TIAM1: variants seen among roughly 807,000 people sequenced by gnomAD.
TIAM1 encodes the protein TIAM Rac1 associated GEF 1, also known as rho guanine nucleotide exchange factor TIAM1.
In TIAM1, 65 loss-of-function variants were observed where a neutral mutation model predicts 163.5. The ratio of observed to expected loss-of-function variants is 0.40; its 90% CI spans 0.33 to 0.49. The LOEUF is 0.49. Among genes scored for constraint, TIAM1 ranks in the 20% least tolerant of loss-of-function variants. TIAM1 has a pLI of 0.77. For synonymous variants in TIAM1, 833 were observed against 810.1 expected (o/e 1.03, Z -0.48); for missense variants, 1,789 against 2,044.7 (o/e 0.87, Z 2.41).
intron 2 of TIAM1, among the ~76,000 whole-genome samples, chr21:31,358,155 G>A (rs907925428): frequency 6.6e-6 from 1 of 152,152 alleles, no homozygotes; most frequent in East Asian, 1.9e-4. Flanking sequence ...GGCATCCCAG[G>A]GTAGGCCATA....
intron 16 of TIAM1, among the ~76,000 whole-genome samples, chr21:31,162,254 G>A (rs1172462560): frequency 6.6e-6 from 1 of 152,138 alleles, no homozygotes; most frequent in East Asian, 1.9e-4. Flanking sequence ...CCTCAAGAGT[G>A]TTGTGAGGCT....
chr21:31,365,391 T>C (rs74314356), intron 2 of TIAM1, among the ~76,000 whole-genome samples: 1,436 of 95,304 alleles, frequency 0.015, 21 homozygotes, highest in African/African-American at 0.049. Flanking sequence ...TTCTTTCTTT[T>C]TTTTTTTTTT....
intron 1 of TIAM1, among the ~76,000 whole-genome samples, chr21:31,471,538 G>A (rs933054380): frequency 3.9e-5 from 6 of 152,126 alleles, no homozygotes; most frequent in Non-Finnish European, 2.9e-5. Context: ...GGAGGTTGAT[G>A]GAATCAACTT....
At position 31,251,878 on chromosome 21, in the gene TIAM1, G is replaced by A; in HGVS notation, c.1275C>T (p.Ile425=). Residue 425 remains isoleucine, a synonymous_variant, in exon 5 of 28, where the codon ATC becomes ATT. Coordinates refer to ENST00000541036, the MANE Select transcript of TIAM1 (RefSeq NM_001353694.2). Reference sequence around the variant, plus strand: ...CCGTGCCCTGTGCGGCGGTCAGCAGGATGTCCGACTGGCCCGGAGAGCTCA... The same window carrying A: ...CCGTGCCCTGTGCGGCGGTCAGCAGAATGTCCGACTGGCCCGGAGAGCTCA... ...GTLSSPGQSD[I]LLTAAQGTVR... is the part of the protein sequence containing the mutation. The A allele has an allele frequency of 1.9e-6, 3 of 1,613,892 alleles. No homozygotes were observed. The highest frequency in any genetic ancestry group is 2.5e-6 in the Non-Finnish European group (3 of 1,179,936).
At chr21:31,359,695 A>G (rs961069816) in intron 2 of TIAM1, among the ~76,000 whole-genome samples, 1 of 151,928 alleles carries the variant, frequency 6.6e-6, no homozygotes, top group Non-Finnish European at 1.5e-5. Context: ...AGGCTGAGGC[A>G]GGAGAATTGC....
chr21:31,331,440 C>T (rs2075675951), intron 2 of TIAM1, among the ~76,000 whole-genome samples: 2 of 152,180 alleles, frequency 1.3e-5, no homozygotes. Context: ...AGGAGGATGT[C>T]CCAGAACCCA....
chr21:31,451,659 G>A (rs1377828119), intron 2 of TIAM1, among the ~76,000 whole-genome samples: 1 of 121,598 alleles, frequency 8.2e-6, no homozygotes, highest in Non-Finnish European at 1.8e-5. Context: ...TGTTCATAGA[G>A]AAAAGGATGG....
intron 4 of TIAM1, among the ~76,000 whole-genome samples, chr21:31,262,322 G>A (rs552815214): frequency 1.3e-5 from 2 of 152,282 alleles, no homozygotes; most frequent in South Asian, 4.1e-4. Context: ...TCTGACACTA[G>A]GCAGCCCCCT....
At chr21:31,418,338 T>A (rs1263428885) in intron 2 of TIAM1, among the ~76,000 whole-genome samples, 1 of 92,058 alleles carries the variant, frequency 1.1e-5, no homozygotes, top group Admixed American at 1.6e-4. Flanking sequence ...CGAGACTCTG[T>A]CTCAAAAAAA....
intron 2 of TIAM1, among the ~76,000 whole-genome samples, chr21:31,387,884 AG>A (rs2076903154): frequency 6.6e-6 from 1 of 152,038 alleles, no homozygotes; most frequent in Non-Finnish European, 1.5e-5. Flanking sequence ...GGCCCTGATG[AG>A]GAGGCCTAGA....
intron 15 of TIAM1, among the ~76,000 whole-genome samples, chr21:31,168,828 G>C (rs1190625699): frequency 1.3e-5 from 2 of 152,138 alleles, no homozygotes; most frequent in Non-Finnish European, 2.9e-5. Context: ...CAGAGATAGA[G>C]CTTGGTCAAA....
At chr21:31,439,260 G>A (rs73195595) in intron 2 of TIAM1, among the ~76,000 whole-genome samples, 1 of 152,260 alleles carries the variant, frequency 6.6e-6, no homozygotes, top group Non-Finnish European at 1.5e-5. Flanking sequence ...AAGAATAACA[G>A]AAACCTTAAA....
At chr21:31,312,068 C>T (rs899893112) in intron 2 of TIAM1, among the ~76,000 whole-genome samples, 5 of 152,186 alleles carry the variant, frequency 3.3e-5, no homozygotes, top group African/African-American at 1.2e-4. Flanking sequence ...GGCTCTTGGG[C>T]CTTCGGCCAC....
intron 11 of TIAM1, among the ~76,000 whole-genome samples, chr21:31,209,841 T>C (rs180858109): frequency 1.6e-3 from 245 of 152,258 alleles, no homozygotes; most frequent in African/African-American, 5.4e-3. Flanking sequence ...CTTAGAAGAG[T>C]TCCTCTCTTC....
At chr21:31,222,700 T>G (rs2087652741) in intron 8 of TIAM1, among the ~76,000 whole-genome samples, 1 of 44,502 alleles carries the variant, frequency 2.2e-5, no homozygotes, top group East Asian at 6.3e-4. Flanking sequence ...TATATATATA[T>G]ATATATATTT....
intron 4 of TIAM1, among the ~76,000 whole-genome samples, chr21:31,261,433 C>A (rs1415124051): frequency 6.6e-6 from 1 of 152,020 alleles, no homozygotes; most frequent in Admixed American, 6.6e-5. Flanking sequence ...GATTTTTGGC[C>A]GGGTGCGGTG....
chr21:31,127,900 G>A (rs903058457), intron 25 of TIAM1, among the ~76,000 whole-genome samples: 7 of 152,290 alleles, frequency 4.6e-5, no homozygotes, highest in African/African-American at 1.7e-4. Flanking sequence ...AGGTGGCTGG[G>A]CCTAAAGCCC....
At chr21:31,374,869 T>C (rs28477514) in intron 2 of TIAM1, among the ~76,000 whole-genome samples, 24,590 of 152,256 alleles carry the variant, frequency 0.16, 2,153 homozygotes, top group Middle Eastern at 0.35. Flanking sequence ...ATTAAATTAT[T>C]TTAAACAGAT....
chr21:31,266,513 A>T lies in TIAM1; in HGVS notation c.460T>A (p.Ser154Thr), dbSNP rs778979708. 4 of 1,613,904 alleles carry T rather than the reference A, an allele frequency of 2.5e-6. No individual in the cohort carries two copies. The Admixed American group carries it at 6.7e-5, about 27-fold the overall frequency. ...GTCTCCATGAAAGTGGGCCCATTGG[A>T]TGTATAGGAATGCTGCCTCCTGCCT... ...EGGRRQHSYT[S>T]NGPTFMETAS... The change falls in exon 4 of 28, where the codon TCC becomes ACC. Residue 154 changes from serine (S) to threonine (T), a missense_variant. Coordinates refer to ENST00000541036, the MANE Select transcript of TIAM1 (RefSeq NM_001353694.2).
Sources: gnomAD v4.1 joint callset for allele counts (sites outside exome capture counted in the v4.1 genomes callset) on GRCh38, gnomAD v4.1.1 for gene constraint, MANE v1.5 for transcripts, NCBI Gene and HGNC (gene_info 2026-07-23, HGNC 2026-07-21) for gene names.